Variants in EFTUD2 observed in about 807,000 individuals in gnomAD.
The protein encoded by EFTUD2 is 116 kDa U5 small nuclear ribonucleoprotein component.
EFTUD2 carries 9 observed loss-of-function variants against 114.3 expected under a neutral mutation model. The ratio of observed to expected loss-of-function variants is 0.08; its 90% CI spans 0.05 to 0.14. EFTUD2 has a LOEUF of 0.14. EFTUD2 is among the 10% of genes least tolerant of loss of function. The pLI is 1.00. For missense variants in EFTUD2, 765 were observed against 1,241.2 expected, an observed-to-expected ratio of 0.62 and a Z score of 5.76; for synonymous variants, 449 against 462.3, an observed-to-expected ratio of 0.97 and a Z score of 0.37.
intron 26 of EFTUD2, among the ~76,000 whole-genome samples, 187 bp from the exon 27 acceptor site, chr17:44,852,004 G>A (rs537473089): frequency 2.0e-5 from 3 of 151,886 alleles, no homozygotes; most frequent in Non-Finnish European, 2.9e-5. Flanking sequence ...TGCAACCTCC[G>A]CCTCCCGGGT....
At chr17:44,863,815 T>C (rs1172122748) in intron 14 of EFTUD2, 33 bp from the exon 15 acceptor site, 7 of 1,611,124 alleles carry the variant, frequency 4.3e-6, no homozygotes, top group Non-Finnish European at 5.1e-6. Flanking sequence ...CATTAATACA[T>C]GCCTTCCCAG....
intron 2 of EFTUD2, 130 bp from the exon 3 acceptor site, chr17:44,886,880 G>A: frequency 1.4e-6 from 2 of 1,441,562 alleles, no homozygotes; most frequent in Non-Finnish European, 9.2e-7. Context: ...CTATGCCAGT[G>A]GGGGAGGTTC....
chr17:44,881,866 A>G (rs754252923), intron 6 of EFTUD2, 144 bp from the exon 7 acceptor site: 27 of 701,964 alleles, frequency 3.8e-5, no homozygotes, highest in Non-Finnish European at 6.8e-5. Context: ...TCCCCACAGC[A>G]ATTACAGACA....
intron 19 of EFTUD2, among the ~76,000 whole-genome samples, chr17:44,858,657 A>T (rs2050601487): frequency 6.6e-6 from 1 of 152,030 alleles, no homozygotes; most frequent in South Asian, 2.1e-4. Context: ...TGTTGCCCAG[A>T]TTGGTCTCAA....
At chr17:44,883,234 C>T (rs761921886) in intron 5 of EFTUD2, 76 bp from the exon 6 acceptor site, 7 of 1,365,134 alleles carry the variant, frequency 5.1e-6, no homozygotes, top group South Asian at 1.2e-5. Flanking sequence ...GCTCCCAATA[C>T]ACCACATAAT....
chr17:44,879,142 G>A (rs1332145500), intron 9 of EFTUD2, among the ~76,000 whole-genome samples: 2 of 152,192 alleles, frequency 1.3e-5, no homozygotes, highest in Admixed American at 6.5e-5. Flanking sequence ...CTGGAGTGAA[G>A]TGGCGCAATC....
rs767119266 is a variant in EFTUD2, at chr17:44,883,600, A to G, written c.426+49T>C. 4.5e-6 allele frequency: 7 copies of G among 1,546,422 alleles called. No individual in the cohort carries two copies. In the South Asian group the frequency reaches 7.8e-5, roughly 17 times the overall value. ...TGACTCTAAGGGCTAAAACATGAGC[A>G]GGTACAAAAGAGAAATCCTGTTCCA... is the stretch of plus-strand genomic sequence containing the variant. On this transcript the variant is annotated intron_variant, in intron 5 of 27. Transcript: ENST00000426333.
At chr17:44,879,277 G>T (rs2051027291) in intron 9 of EFTUD2, among the ~76,000 whole-genome samples, 2 of 152,054 alleles carry the variant, frequency 1.3e-5, no homozygotes, top group Admixed American at 1.3e-4. Context: ...GTAGAGACGG[G>T]GTTTCGCCAC....
At chr17:44,866,158 T>G (rs537871036) in intron 13 of EFTUD2, among the ~76,000 whole-genome samples, 11 of 152,362 alleles carry the variant, frequency 7.2e-5, no homozygotes, top group Admixed American at 4.6e-4. Context: ...ATTAAATCCT[T>G]ACCATCTCCT....
At chr17:44,898,584 C>A (rs986394172) in intron 1 of EFTUD2, among the ~76,000 whole-genome samples, 2 of 152,206 alleles carry the variant, frequency 1.3e-5, no homozygotes, top group African/African-American at 4.8e-5. Context: ...GCCTCAGGGC[C>A]ACTGCACTTG....
Position 44,856,857 on chromosome 17 carries a change from T to C in EFTUD2, c.2045+218A>G, listed in dbSNP as rs551771069. On this transcript the variant is annotated intron_variant, in intron 20 of 27. Transcript: ENST00000426333. ...GACAAAGTGGCAGTTATGAAACTCCTCTTGGGAATACCCAAGGCGAATAAT... is the reference window on the plus strand; with the variant it reads ...GACAAAGTGGCAGTTATGAAACTCCCCTTGGGAATACCCAAGGCGAATAAT... Among the ~76,000 whole-genome samples the C allele has an allele frequency of 2.8e-3, 428 of 152,258 alleles. 1 individual carries two copies. The highest frequency in any genetic ancestry group is 4.6e-3 in the Admixed American group (71 of 15,292).
At chr17:44,869,581 G>A (rs1327817784) in intron 11 of EFTUD2, among the ~76,000 whole-genome samples, 2 of 152,276 alleles carry the variant, frequency 1.3e-5, no homozygotes, top group East Asian at 3.9e-4. Flanking sequence ...TTACAGGCAT[G>A]AGCCACTGGA....
At chr17:44,852,983 C>T (rs1262738270) in intron 25 of EFTUD2, among the ~76,000 whole-genome samples, 1 of 152,128 alleles carries the variant, frequency 6.6e-6, no homozygotes, top group Non-Finnish European at 1.5e-5. Flanking sequence ...TGGGTTCACG[C>T]CATTCTCCTG....
intron 10 of EFTUD2, among the ~76,000 whole-genome samples, chr17:44,875,080 C>A (rs1459657792): frequency 6.6e-6 from 1 of 152,034 alleles, no homozygotes; most frequent in Admixed American, 6.6e-5. Context: ...GATTCTAGAG[C>A]CCAGGCTGGG....
intron 9 of EFTUD2, among the ~76,000 whole-genome samples, chr17:44,877,572 G>A (rs1306297282): frequency 7.2e-5 from 11 of 152,072 alleles, no homozygotes; most frequent in African/African-American, 1.2e-4. Flanking sequence ...TTGGGAGGCC[G>A]AGGCAGGTGG....
At chr17:44,863,924 T>C (rs1486734653) in intron 14 of EFTUD2, 142 bp from the exon 15 acceptor site, 15 of 1,099,986 alleles carry the variant, frequency 1.4e-5, no homozygotes, top group Non-Finnish European at 1.7e-5. Context: ...CTATAGATAG[T>C]GATAGCCTGC....
At chr17:44,878,424 A>G (rs1289833679) in intron 9 of EFTUD2, among the ~76,000 whole-genome samples, 2 of 152,204 alleles carry the variant, frequency 1.3e-5, no homozygotes, top group African/African-American at 4.8e-5. Context: ...GAGACTTGAA[A>G]ATCATGAAAA....
chr17:44,871,998 ATGT>A (rs1030987245), intron 11 of EFTUD2, among the ~76,000 whole-genome samples: 2 of 152,198 alleles, frequency 1.3e-5, no homozygotes, highest in African/African-American at 4.8e-5. Context: ...GCGGCTGGGC[ATGT>A]TAGCAGAGGC....
At chr17:44,876,127 G>A (rs2050943975) in intron 9 of EFTUD2, 27 bp from the exon 10 acceptor site, 1 of 1,595,880 alleles carries the variant, frequency 6.3e-7, no homozygotes, top group Non-Finnish European at 8.6e-7. Flanking sequence ...TCAGAAGGTG[G>A]TAAGAAGAAC....
Sources: allele counts gnomAD v4.1 joint callset (sites outside exome capture counted in the v4.1 genomes callset), GRCh38; gene constraint gnomAD v4.1.1; transcripts MANE v1.5; gene names NCBI Gene and HGNC (gene_info 2026-07-23, HGNC 2026-07-21).